Variants in ARHGAP26 observed in about 807,000 individuals in gnomAD.
ARHGAP26 encodes rho GTPase-activating protein 26.
In ARHGAP26, 38 loss-of-function variants were observed where a neutral mutation model predicts 104.8. The observed-to-expected ratio is 0.36, with a 90% CI of 0.28 to 0.48. The LOEUF (loss-of-function observed/expected upper bound fraction) is 0.48. ARHGAP26 is among the 20% of genes least tolerant of loss of function. The probability of loss-of-function intolerance (pLI) is 0.99; values close to 1 mark genes in which losing one functional copy is unlikely to be tolerated. For missense variants in ARHGAP26, 704 were observed against 947.9 expected (o/e 0.74, Z 3.38); for synonymous variants, 341 against 340.0 (o/e 1.00, Z -0.03).
chr5:142,986,086 T>A (rs1598490432), intron 11 of ARHGAP26, among the ~76,000 whole-genome samples: 1 of 152,350 alleles, frequency 6.6e-6, no homozygotes, highest in East Asian at 1.9e-4. Context: ...TGCCACACTG[T>A]CTTCCACAAT....
intron 20 of ARHGAP26, among the ~76,000 whole-genome samples, chr5:143,194,414 T>G (rs941353125): frequency 2.6e-5 from 4 of 152,228 alleles, no homozygotes; most frequent in Non-Finnish European, 5.9e-5. Context: ...TGAAGTGTTT[T>G]AAGCAGAGAA....
At chr5:142,929,821 AC>A in intron 10 of ARHGAP26, among the ~76,000 whole-genome samples, 1 of 152,294 alleles carries the variant, frequency 6.6e-6, no homozygotes, top group East Asian at 1.9e-4. Flanking sequence ...TTGTGATCTC[AC>A]TGTTTGCTGG....
intron 12 of ARHGAP26, among the ~76,000 whole-genome samples, chr5:143,020,709 G>T (rs1020637392): frequency 1.5e-5 from 2 of 129,212 alleles, no homozygotes; most frequent in Admixed American, 9.7e-5. Context: ...CATGATCTCC[G>T]CTCACTGCAA....
intron 17 of ARHGAP26, among the ~76,000 whole-genome samples, chr5:143,108,619 G>A (rs1251470754): frequency 2.0e-5 from 3 of 151,912 alleles, no homozygotes; most frequent in Admixed American, 2.0e-4. Context: ...TTTTCTGTTT[G>A]CTTTTTGGGG....
At chr5:143,159,253 G>A (rs943460097) in intron 20 of ARHGAP26, among the ~76,000 whole-genome samples, 1 of 152,222 alleles carries the variant, frequency 6.6e-6, no homozygotes, top group Admixed American at 6.5e-5. Context: ...CCAACAGGAA[G>A]CCCGAGGTTG....
chr5:142,793,309 G>C (rs1290787828), intron 1 of ARHGAP26, among the ~76,000 whole-genome samples: 1 of 144,380 alleles, frequency 6.9e-6, no homozygotes, highest in African/African-American at 2.6e-5. Flanking sequence ...AGGGGTCGTA[G>C]CTTTGGTAGG....
At chr5:143,081,903 G>T (rs959048561) in intron 17 of ARHGAP26, among the ~76,000 whole-genome samples, 1 of 151,892 alleles carries the variant, frequency 6.6e-6, no homozygotes, top group African/African-American at 2.4e-5. Flanking sequence ...CCAGCTACTC[G>T]GGAGGCTGAG....
chr5:142,983,239 A>T (rs769630770), intron 11 of ARHGAP26, among the ~76,000 whole-genome samples: 1 of 151,744 alleles, frequency 6.6e-6, no homozygotes, highest in Non-Finnish European at 1.5e-5. Context: ...ATGGAGTCTC[A>T]CTCTGTCACC....
chr5:142,900,671 GAGTT>G (rs762072060), intron 6 of ARHGAP26, among the ~76,000 whole-genome samples: 3 of 152,062 alleles, frequency 2.0e-5, no homozygotes, highest in East Asian at 3.8e-4. Flanking sequence ...CAGAAAAGGA[GAGTT>G]AGTTAGGTGA....
At chr5:142,810,235 C>G (rs1482423237) in intron 1 of ARHGAP26, among the ~76,000 whole-genome samples, 1 of 152,178 alleles carries the variant, frequency 6.6e-6, no homozygotes, top group Non-Finnish European at 1.5e-5. Flanking sequence ...AAGAAGGCCT[C>G]ATTGTGTGTT....
chr5:143,010,094 G>A (rs201695533), intron 11 of ARHGAP26, among the ~76,000 whole-genome samples: 64 of 152,332 alleles, frequency 4.2e-4, no homozygotes, highest in African/African-American at 1.4e-3. Flanking sequence ...GCAACTGTGA[G>A]ATCTGTAGAA....
At chr5:143,188,042 C>A (rs1054715948) in intron 20 of ARHGAP26, among the ~76,000 whole-genome samples, 10 of 152,176 alleles carry the variant, frequency 6.6e-5, no homozygotes, top group African/African-American at 2.4e-4. Flanking sequence ...TCTCAGAATC[C>A]CTACAGTTCT....
At chr5:142,859,826 G>A (rs1199823304) in intron 1 of ARHGAP26, 2 of 152,344 alleles carry the variant, frequency 1.3e-5, no homozygotes, top group Non-Finnish European at 2.9e-5. Flanking sequence ...CTTATCCAGG[G>A]AAATAACATG....
chr5:143,196,663 T>C (rs1806883071), intron 20 of ARHGAP26, among the ~76,000 whole-genome samples: 1 of 152,220 alleles, frequency 6.6e-6, no homozygotes, highest in African/African-American at 2.4e-5. Context: ...TTGACAGTGC[T>C]TCAGCTGTAT....
chr5:142,786,147 AT>A (rs35617606), intron 1 of ARHGAP26, among the ~76,000 whole-genome samples: 34,194 of 138,456 alleles, frequency 0.25, 6,523 homozygotes, highest in African/African-American at 0.56. Context: ...ATTAAAAAAC[AT>A]TTTTTTTTTT....
intron 1 of ARHGAP26, among the ~76,000 whole-genome samples, chr5:142,835,999 A>G (rs931814197): frequency 6.6e-6 from 1 of 152,258 alleles, no homozygotes; most frequent in African/African-American, 2.4e-5. Flanking sequence ...TGGCAGAGCC[A>G]GGATTTAAAC....
chr5:142,894,186 C>T lies in ARHGAP26; in HGVS notation c.487-52C>T. 2.7e-6 allele frequency: 4 copies of T among 1,489,200 alleles called. No individual in the cohort carries two copies. The Middle Eastern group carries it at 6.9e-4, about 256-fold the overall frequency. 92.2% of individuals were successfully genotyped at this position (1,489,200 alleles called of 1,614,324 possible). On this transcript the variant is annotated intron_variant, in intron 5 of 22. Coordinates refer to ENST00000645722, the MANE Select transcript of ARHGAP26 (RefSeq NM_001135608.3). ...TTTTTTCTGACCTGCTTTCGGAATGCTATCCTTGGGTAGTGACTTGATTTT... is the reference window on the plus strand; with the variant it reads ...TTTTTTCTGACCTGCTTTCGGAATGTTATCCTTGGGTAGTGACTTGATTTT...
At chr5:142,837,819 A>T (rs1180871258) in intron 1 of ARHGAP26, among the ~76,000 whole-genome samples, 4 of 152,232 alleles carry the variant, frequency 2.6e-5, no homozygotes, top group African/African-American at 9.6e-5. Context: ...CAAACAATAC[A>T]AAACAGTTTT....
At position 142,873,513 on chromosome 5, in the gene ARHGAP26, A is replaced by G. The variant is rs1440547056; in HGVS notation, c.250+18A>G. 1.3e-6 allele frequency: 2 copies of G among 1,496,890 alleles called. No homozygotes were observed. Among genetic ancestry groups the G allele is most frequent in the Non-Finnish European group, 1.8e-6 (2 of 1,114,816 alleles). The allele number at this position is 1,496,890 out of a possible 1,614,324, so 92.7% of individuals were successfully genotyped here. ...GTGTATAGGTAAGTCATAACTGTGC[A>G]GAAGATAAAAATGTTCATTGTTTGT... On this transcript the variant is annotated intron_variant, in intron 2 of 22. Coordinates refer to ENST00000645722, the MANE Select transcript of ARHGAP26 (RefSeq NM_001135608.3).
Sources: allele counts gnomAD v4.1 joint callset (sites outside exome capture counted in the v4.1 genomes callset), GRCh38; gene constraint gnomAD v4.1.1; transcripts MANE v1.5; gene names NCBI Gene and HGNC (gene_info 2026-07-23, HGNC 2026-07-21).